FRYL: variants seen among roughly 807,000 people sequenced by gnomAD.
The protein encoded by FRYL is protein furry homolog-like.
In FRYL, 150 loss-of-function variants were observed where a neutral mutation model predicts 351.2. The ratio of observed to expected loss-of-function variants is 0.43; its 90% confidence interval spans 0.37 to 0.49. The LOEUF is 0.49. FRYL is among the 20% of genes least tolerant of loss of function. FRYL has a pLI of 0.00. For missense variants in FRYL, 3,036 were observed against 3,619.3 expected (o/e 0.84, Z 4.13); for synonymous variants, 1,153 against 1,257.1 (o/e 0.92, Z 1.75).
At chr4:48,755,896 T>C (rs548943702) in intron 1 of FRYL, among the ~76,000 whole-genome samples, 1 of 152,012 alleles carries the variant, frequency 6.6e-6, no homozygotes, top group Non-Finnish European at 1.5e-5. Context: ...TATAATTTGT[T>C]TAAATTCTAC....
chr4:48,542,150 A>G, intron 44 of FRYL, 29 bp from the exon 45 acceptor site: 1 of 1,493,848 alleles, frequency 6.7e-7, no homozygotes, highest in South Asian at 1.1e-5. Context: ...ATTTTAATTA[A>G]TTATGCTCTG....
At chr4:48,644,807 G>A (rs894288214) in intron 3 of FRYL, among the ~76,000 whole-genome samples, 4 of 151,790 alleles carry the variant, frequency 2.6e-5, no homozygotes, top group Non-Finnish European at 4.4e-5. Context: ...GTAGCCTAGA[G>A]AGCAAACCCA....
chr4:48,688,241 G>A (rs989581437), intron 2 of FRYL, among the ~76,000 whole-genome samples: 2 of 152,124 alleles, frequency 1.3e-5, no homozygotes, highest in African/African-American at 4.8e-5. Flanking sequence ...TTAAAATGAT[G>A]CAAAAACCAA....
intron 2 of FRYL, among the ~76,000 whole-genome samples, chr4:48,703,909 T>G (rs1176048846): frequency 3.3e-5 from 5 of 152,146 alleles, no homozygotes; most frequent in African/African-American, 1.2e-4. Flanking sequence ...GTCAAAAAGG[T>G]CACTTCAATT....
chr4:48,539,337 C>T (rs1442277973), intron 47 of FRYL, among the ~76,000 whole-genome samples: 2 of 152,114 alleles, frequency 1.3e-5, no homozygotes, highest in African/African-American at 2.4e-5. Context: ...TTCCTCAGAA[C>T]CTCTGCATCT....
At position 48,540,343 on chromosome 4, in the gene FRYL, T is replaced by C; in HGVS notation, c.6295+10A>G. ...AATGCAAAGTGCTGGTGCAATTATA[T>C]TAACATCACCTGACAATTGGGAAGG... On this transcript the variant is annotated intron_variant, in intron 46 of 63. Coordinates refer to ENST00000358350, the MANE Select transcript of FRYL (RefSeq NM_015030.2). The C allele has an allele frequency of 6.2e-7, 1 of 1,606,968 alleles. No individual in the cohort carries two copies. The highest frequency in any genetic ancestry group is 8.5e-7 in the Non-Finnish European group (1 of 1,175,562).
intron 3 of FRYL, among the ~76,000 whole-genome samples, chr4:48,665,963 CCA>C (rs1461999140): frequency 6.6e-6 from 1 of 152,156 alleles, no homozygotes; most frequent in Admixed American, 6.6e-5. Context: ...TAGTTTTAAA[CCA>C]CAGAGGTGAG....
intron 30 of FRYL, 135 bp from the exon 31 acceptor site, chr4:48,564,237 C>T (rs1426493687): frequency 1.7e-5 from 17 of 983,950 alleles, no homozygotes; most frequent in Non-Finnish European, 2.3e-5. Context: ...CTTTTGTTCA[C>T]CTCCCTCTCA....
chr4:48,588,006 A>T lies in FRYL; in HGVS notation c.1641-1278T>A, dbSNP rs150995807. Among the ~76,000 whole-genome samples the T allele has an allele frequency of 4.1e-4, 63 of 152,356 alleles. No individual in the cohort carries two copies. The East Asian group carries it at 0.012, about 29-fold the overall frequency. ...GTTCAAATTTAAGCTACCATACATT[A>T]AGTAATGGCATAAACAAACTTTGCT... On this transcript the variant is annotated intron_variant, in intron 18 of 63. Transcript: ENST00000358350.
rs750428030 is a variant in FRYL at position 48,580,968 on chromosome 4, A to G, written c.2173-17T>C. ...ATCATCACCCTGTAAAAAAGACATCATATGTCTAAAAAAATTAGGAATGTT... is the reference window on the plus strand; with the variant it reads ...ATCATCACCCTGTAAAAAAGACATCGTATGTCTAAAAAAATTAGGAATGTT... On this transcript the variant is annotated splice_polypyrimidine_tract_variant and intron_variant, in intron 21 of 63. Coordinates refer to ENST00000358350, the MANE Select transcript of FRYL (RefSeq NM_015030.2). 7.9e-6 allele frequency: 12 copies of G among 1,520,550 alleles called. No individual in the cohort carries two copies. Among genetic ancestry groups the G allele is most frequent in the African/African-American group, 5.6e-5 (4 of 71,840 alleles). The allele number at this position is 1,520,550 out of a possible 1,614,324, so 94.2% of individuals were successfully genotyped here.
intron 1 of FRYL, among the ~76,000 whole-genome samples, chr4:48,734,550 A>G (rs1248847105): frequency 1.3e-5 from 2 of 152,204 alleles, no homozygotes; most frequent in Non-Finnish European, 2.9e-5. Context: ...CCATTAACCA[A>G]ATGAATATAA....
Position 48,594,028 on chromosome 4 carries a change from A to C in FRYL, c.1249-12T>G. On this transcript the variant is annotated splice_polypyrimidine_tract_variant and intron_variant, in intron 15 of 63. Transcript: ENST00000358350. ...AAATCCAAGCGTTCCTTAAAAAAAA[A>C]AAAATCCTTATAACTTGCTACTATG... 2 of 1,383,218 alleles carry C rather than the reference A, an allele frequency of 1.4e-6. No individual in the cohort carries two copies. The highest frequency in any genetic ancestry group is 1.9e-6 in the Non-Finnish European group (2 of 1,031,710). 85.7% of individuals were successfully genotyped at this position (1,383,218 alleles called of 1,614,324 possible).
chr4:48,512,431 C>T lies in FRYL; in HGVS notation c.8145+50G>A, dbSNP rs1482010432. On this transcript the variant is annotated intron_variant, in intron 57 of 63. Coordinates refer to ENST00000358350, the MANE Select transcript of FRYL (RefSeq NM_015030.2). ...GCTGATTTTAGAAGAAAAACTGTAA[C>T]TTGATTAGGTAACTATAATATGAAT... The T allele has an allele frequency of 2.2e-6, 3 of 1,365,640 alleles. No homozygotes were observed. In the African/African-American group the frequency reaches 4.4e-5, roughly 20 times the overall value. The allele number at this position is 1,365,640 out of a possible 1,614,324, so 84.6% of individuals were successfully genotyped here.
At position 48,564,935 on chromosome 4, in the gene FRYL, T is replaced by C. The variant is rs1199855114; in HGVS notation, c.3439A>G (p.Lys1147Glu). 6.5e-7 allele frequency: 1 copy of C among 1,543,294 alleles called. No individual in the cohort carries two copies. ...TTTAAGGAAATTGTCATAATTACCT[T>C]TTTGTCCAGAGAATCCAAAATGTTA... ...LDNILDSLDK[K>E]VHQLGCEAVT... The change falls in exon 30 of 64, where the codon AAG becomes GAG. Residue 1147 changes from lysine (K) to glutamate (E), a missense_variant and splice_region_variant. This residue lies in a region of FRYL where 1,987 missense variants were observed against 2,311.7 expected (regional missense o/e 0.86). Coordinates refer to ENST00000358350, the MANE Select transcript of FRYL (RefSeq NM_015030.2).
At chr4:48,758,129 AC>A (rs1317149340) in intron 1 of FRYL, among the ~76,000 whole-genome samples, 1 of 152,196 alleles carries the variant, frequency 6.6e-6, no homozygotes, top group Non-Finnish European at 1.5e-5. Context: ...AAAGCATAAA[AC>A]CCTAGAAGAA....
chr4:48,540,148 T>G, intron 46 of FRYL, 80 bp from the exon 47 acceptor site: 1 of 1,237,756 alleles, frequency 8.1e-7, no homozygotes, highest in Non-Finnish European at 1.1e-6. Context: ...TTTTAGATGG[T>G]TCACAGAAAC....
In FRYL at chr4:48,499,042, T is replaced by C. The variant is rs1718986142; in HGVS notation, c.*380A>G. On this transcript the variant is annotated 3_prime_UTR_variant, in exon 64 of 64. Coordinates refer to ENST00000358350, the MANE Select transcript of FRYL (RefSeq NM_015030.2). ...GTCTTCAGCTAAAATGAAACAGCCT[T>C]GATTTCAGCCTCATTTCACCTGCTT... The C allele has an allele frequency of 5.2e-6, 1 of 193,780 alleles. No individual in the cohort carries two copies. Among genetic ancestry groups the C allele is most frequent in the Admixed American group, 5.4e-5 (1 of 18,490 alleles). 12.0% of individuals were successfully genotyped at this position (193,780 alleles called of 1,614,324 possible).
chr4:48,618,991 C>A, intron 7 of FRYL: 2 of 282,528 alleles, frequency 7.1e-6, no homozygotes, highest in Non-Finnish European at 1.3e-5. Context: ...AGGCAAACTA[C>A]ATTTACAGCT....
At chr4:48,566,604 C>G (rs1289031978) in intron 28 of FRYL, among the ~76,000 whole-genome samples, 1 of 152,140 alleles carries the variant, frequency 6.6e-6, no homozygotes, top group African/African-American at 2.4e-5. Context: ...TAAAATACAA[C>G]CCATGTTCTT....
Sources: allele counts gnomAD v4.1 joint callset (sites outside exome capture counted in the v4.1 genomes callset), GRCh38; gene constraint gnomAD v4.1.1; regional missense constraint gnomAD v4.1.1; transcripts MANE v1.5; gene names NCBI Gene and HGNC (gene_info 2026-07-23, HGNC 2026-07-21).